The following SEMA3A variants were observed in gnomAD, a reference collection of about 807,000 sequenced individuals.
SEMA3A encodes the protein semaphorin 3A, also known as semaphorin-3A.
In SEMA3A, 29 loss-of-function variants were observed where a neutral mutation model predicts 97.9. The observed-to-expected ratio is 0.30, with a 90% CI of 0.22 to 0.40. The LOEUF (loss-of-function observed/expected upper bound fraction) is 0.40. Ranked by LOEUF, SEMA3A falls within the 10% of genes least tolerant of loss-of-function variation. SEMA3A has a pLI of 1.00. For synonymous variants in SEMA3A, 321 were observed against 323.7 expected, an observed-to-expected ratio of 0.99 and a Z score of 0.09; for missense variants, 763 against 951.3, an observed-to-expected ratio of 0.80 and a Z score of 2.60.
chr7:84,155,966 GTC>G (rs1246575304), intron 1 of SEMA3A, among the ~76,000 whole-genome samples: 1 of 151,980 alleles, frequency 6.6e-6, no homozygotes, highest in Non-Finnish European at 1.5e-5. Context: ...TAAAATACCT[GTC>G]TCTAAATATT....
intron 2 of SEMA3A, among the ~76,000 whole-genome samples, chr7:84,351,948 T>C (rs967684923): frequency 6.6e-6 from 1 of 151,726 alleles, no homozygotes; most frequent in African/African-American, 2.4e-5. Context: ...CTATTCATAA[T>C]AGCTGAGGTT....
chr7:84,236,584 C>A (rs1799240178), intron 3 of SEMA3A, among the ~76,000 whole-genome samples: 1 of 152,108 alleles, frequency 6.6e-6, no homozygotes, highest in African/African-American at 2.4e-5. Flanking sequence ...TTATCTTTAT[C>A]TCGCAAATAC....
intron 1 of SEMA3A, among the ~76,000 whole-genome samples, chr7:84,453,138 A>G (rs1263094999): frequency 2.0e-5 from 3 of 152,220 alleles, no homozygotes; most frequent in Non-Finnish European, 4.4e-5. Flanking sequence ...GTATCCTTAT[A>G]CATATCGAAT....
intron 6 of SEMA3A, among the ~76,000 whole-genome samples, chr7:84,032,809 T>A (rs2116468541): frequency 6.6e-6 from 1 of 151,936 alleles, no homozygotes; most frequent in Non-Finnish European, 1.5e-5. Flanking sequence ...GTACAAAAGT[T>A]GCTATATTTA....
intron 1 of SEMA3A, among the ~76,000 whole-genome samples, chr7:84,143,356 G>A (rs1241135431): frequency 6.6e-6 from 1 of 152,084 alleles, no homozygotes; most frequent in Non-Finnish European, 1.5e-5. Flanking sequence ...AAATTATTAA[G>A]GAAATATTTC....
Position 84,156,477 on chromosome 7 carries a change from G to T in SEMA3A, c.113-21526C>A, listed in dbSNP as rs1330463499. On this transcript the variant is annotated intron_variant, in intron 1 of 16. Transcript: ENST00000265362. ...TCCAATATAATCTATTAGAAAAAAT[G>T]ATTTAGATTATTGTTTCATAATTGA... Among the ~76,000 whole-genome samples the T allele has an allele frequency of 3.9e-5, 6 of 152,026 alleles. No individual in the cohort carries two copies. In the East Asian group the frequency reaches 9.6e-4, roughly 24 times the overall value.
chr7:84,016,723 G>T (rs2116428264), intron 6 of SEMA3A, among the ~76,000 whole-genome samples: 1 of 152,102 alleles, frequency 6.6e-6, no homozygotes, highest in Middle Eastern at 3.4e-3. Context: ...GTCATAAATA[G>T]TTCATATAAA....
intron 3 of SEMA3A, among the ~76,000 whole-genome samples, chr7:84,210,790 G>A (rs1220306569): frequency 1.3e-5 from 2 of 151,812 alleles, no homozygotes; most frequent in African/African-American, 4.8e-5. Context: ...AGTCCTGTAA[G>A]AACAATATAC....
chr7:84,250,239 T>A (rs1799575258), intron 3 of SEMA3A, among the ~76,000 whole-genome samples: 1 of 152,022 alleles, frequency 6.6e-6, no homozygotes, highest in Non-Finnish European at 1.5e-5. Context: ...AAATTTACAT[T>A]TTGGTTACAT....
chr7:84,206,082 C>T lies in SEMA3A; in HGVS notation c.-82-11414G>A, dbSNP rs547642752. ...TGGCACTTCAGCTATCTAACAGTGA[C>T]GGGCTGTTTGCAACCCCAGCAGCTA... On this transcript the variant is annotated intron_variant, in intron 3 of 3. Coordinates refer to the SEMA3A transcript ENST00000424555. Among the ~76,000 whole-genome samples, 5 of 152,212 alleles carry T rather than the reference C, an allele frequency of 3.3e-5. No individual in the cohort carries two copies. The East Asian group carries it at 7.8e-4, about 24-fold the overall frequency.
intron 2 of SEMA3A, among the ~76,000 whole-genome samples, chr7:84,318,076 G>A (rs1235796772): frequency 6.6e-6 from 1 of 151,880 alleles, no homozygotes; most frequent in East Asian, 1.9e-4. Flanking sequence ...TTCTTAGGCA[G>A]TTAGTACAAT....
intron 1 of SEMA3A, among the ~76,000 whole-genome samples, chr7:84,158,113 T>C (rs1796904472): frequency 6.7e-6 from 1 of 149,906 alleles, no homozygotes. Context: ...TTCCCTTTGC[T>C]ACATTGAAGC....
chr7:84,390,412 A>G (rs1584285187), intron 1 of SEMA3A, among the ~76,000 whole-genome samples: 1 of 150,972 alleles, frequency 6.6e-6, no homozygotes, highest in South Asian at 2.1e-4. Context: ...GTCTTTTAGA[A>G]TATTAACCCC....
chr7:83,971,368 G>A lies in SEMA3A; in HGVS notation c.1717+5764C>T, dbSNP rs188307511. On this transcript the variant is annotated intron_variant, in intron 15 of 16. Transcript: ENST00000265362. ...AATTGCCTGAACCCGGGACGCAGAG[G>A]TTGCATTTTGCAGAGATTGTGCTAT... Among the ~76,000 whole-genome samples, 193 of 151,270 alleles carry A rather than the reference G, an allele frequency of 1.3e-3. 2 individuals are homozygous for A. Among genetic ancestry groups the A allele is most frequent in the African/African-American group, 4.5e-3 (186 of 41,252 alleles).
At chr7:84,397,393 C>G (rs544385043) in intron 1 of SEMA3A, among the ~76,000 whole-genome samples, 1 of 147,060 alleles carries the variant, frequency 6.8e-6, no homozygotes, top group African/African-American at 2.5e-5. Context: ...AAACAAAAAC[C>G]AAAATATATA....
chr7:84,454,379 G>GTT (rs1198270005), intron 1 of SEMA3A, among the ~76,000 whole-genome samples: 2 of 152,070 alleles, frequency 1.3e-5, no homozygotes, highest in Non-Finnish European at 2.9e-5. Context: ...TAACATTAAG[G>GTT]TAACAGCTTA....
Position 84,132,662 on chromosome 7 carries a change from G to GTTTTT in SEMA3A, c.270+2127_270+2131dup, listed in dbSNP as rs55830654. On this transcript the variant is annotated intron_variant, in intron 2 of 16. Coordinates refer to ENST00000265362, the MANE Select transcript of SEMA3A (RefSeq NM_006080.3). ...TCTAATTTTTCTTCATCGACTTGGT[G>GTTTTT]TTTTTTTTTTTTTTTTTTTTTTTTT... Among the ~76,000 whole-genome samples, 154 of 86,656 alleles carry GTTTTT rather than the reference G, an allele frequency of 1.8e-3. 10 individuals carry two copies. Among genetic ancestry groups the GTTTTT allele is most frequent in the Non-Finnish European group, 2.2e-3 (101 of 45,000 alleles). 56.8% of individuals were successfully genotyped at this position (86,656 alleles called of 152,430 possible).
At chr7:84,492,614 G>C (rs1400135492) in exon 1 of SEMA3A, 1 of 152,102 alleles carries the variant, frequency 6.6e-6, no homozygotes, top group African/African-American at 2.4e-5. Context: ...ACTGATGCTA[G>C]AGAGCCAGTC....
At chr7:84,029,634 A>G (rs1043862833) in intron 6 of SEMA3A, among the ~76,000 whole-genome samples, 1 of 152,158 alleles carries the variant, frequency 6.6e-6, no homozygotes, top group Non-Finnish European at 1.5e-5. Context: ...CTGTCCTTTC[A>G]TAATTTACAT....
Sources: allele counts gnomAD v4.1 joint callset (sites outside exome capture counted in the v4.1 genomes callset), GRCh38; gene constraint gnomAD v4.1.1; transcripts MANE v1.5; gene names NCBI Gene and HGNC (gene_info 2026-07-23, HGNC 2026-07-21).